CEP290: variants seen among roughly 807,000 people sequenced by gnomAD.
CEP290 encodes the protein centrosomal protein of 290 kDa.
CEP290 carries 317 observed loss-of-function variants against 344.9 expected under a neutral mutation model. The ratio of observed to expected loss-of-function variants is 0.92; its 90% CI spans 0.84 to 1.01. The LOEUF is 1.01. Ranked by LOEUF, CEP290 falls within the 50% of genes least tolerant of loss-of-function variation. The pLI is 0.00. For missense variants in CEP290, 2,754 were observed against 2,761.4 expected (o/e 1.00, Z 0.06); for synonymous variants, 932 against 895.8 (o/e 1.04, Z -0.72).
chr12:88,113,033 G>C (rs1208530537), intron 20 of CEP290, among the ~76,000 whole-genome samples: 2 of 152,122 alleles, frequency 1.3e-5, no homozygotes, highest in Admixed American at 6.6e-5. Context: ...CATGGATTCT[G>C]AAGATTTCTT....
rs560951061 is a variant in CEP290, at chr12:88,139,809, C to A, written c.181-245G>T. 2.0e-5 allele frequency among the ~76,000 whole-genome samples: 3 copies of A among 152,302 alleles called. No individual in the cohort carries two copies. In the South Asian group the frequency reaches 6.2e-4, roughly 32 times the overall value. ...GTGGCACAATCTCAGCTCACTGCAA[C>A]CTCCTGCCTCCTGGGCTCAAGCAAT... On this transcript the variant is annotated intron_variant, in intron 3 of 53. Coordinates refer to ENST00000552810, the MANE Select transcript of CEP290 (RefSeq NM_025114.4).
At chr12:88,079,584 A>G (rs1229373343) in intron 38 of CEP290, among the ~76,000 whole-genome samples, 1 of 152,166 alleles carries the variant, frequency 6.6e-6, no homozygotes, top group Non-Finnish European at 1.5e-5. Flanking sequence ...AATTAATTGA[A>G]TTTAGGTAGA....
intron 25 of CEP290, among the ~76,000 whole-genome samples, chr12:88,105,894 C>G (rs1019814208): frequency 6.6e-6 from 1 of 151,958 alleles, no homozygotes; most frequent in Non-Finnish European, 1.5e-5. Context: ...CAAGCATGTG[C>G]CACTACACCA....
At chr12:88,124,665 C>T (rs950294875) in intron 13 of CEP290, among the ~76,000 whole-genome samples, 3 of 152,010 alleles carry the variant, frequency 2.0e-5, no homozygotes, top group African/African-American at 7.2e-5. Flanking sequence ...TATACATAGT[C>T]ACCAATTATA....
chr12:88,112,200 C>G (rs1459570135), intron 20 of CEP290, among the ~76,000 whole-genome samples: 1 of 152,184 alleles, frequency 6.6e-6, no homozygotes, highest in East Asian at 1.9e-4. Context: ...TTCTCTGTAT[C>G]TTAGTTTTCT....
intron 13 of CEP290, 68 bp downstream of exon 13, chr12:88,125,178 A>G: frequency 2.0e-6 from 1 of 511,050 alleles, no homozygotes; most frequent in Non-Finnish European, 3.0e-6. Context: ...TTGACATTTT[A>G]TTTTAATAAA....
chr12:88,050,634 C>A (rs1196009003), intron 52 of CEP290, among the ~76,000 whole-genome samples: 1 of 152,036 alleles, frequency 6.6e-6, no homozygotes. Context: ...TCATAGCAGG[C>A]AGAAAGAGGT....
intron 46 of CEP290, among the ~76,000 whole-genome samples, chr12:88,062,302 A>T (rs573581636): frequency 4.6e-5 from 7 of 152,138 alleles, no homozygotes; most frequent in African/African-American, 1.4e-4. Context: ...CAAGAACACA[A>T]AAAAAGAGGG....
At chr12:88,060,549 T>C (rs1347736581) in intron 47 of CEP290, among the ~76,000 whole-genome samples, 1 of 151,558 alleles carries the variant, frequency 6.6e-6, no homozygotes, top group Non-Finnish European at 1.5e-5. Context: ...GACAAAGCAG[T>C]ACTCCATCTC....
At chr12:88,095,304 A>T (rs1310223166) in intron 27 of CEP290, among the ~76,000 whole-genome samples, 1 of 152,130 alleles carries the variant, frequency 6.6e-6, no homozygotes, top group Non-Finnish European at 1.5e-5. Context: ...CCCAACACTA[A>T]CAAATTCCTA....
chr12:88,078,276 AGAG>A (rs1316121923), intron 39 of CEP290, among the ~76,000 whole-genome samples: 1 of 152,148 alleles, frequency 6.6e-6, no homozygotes, highest in Non-Finnish European at 1.5e-5. Context: ...ATGAAGCATA[AGAG>A]TAGTACAGAA....
intron 5 of CEP290, among the ~76,000 whole-genome samples, chr12:88,137,547 C>T (rs2040413503): frequency 6.6e-6 from 1 of 152,150 alleles, no homozygotes; most frequent in African/African-American, 2.4e-5. Context: ...TCTGTTATTC[C>T]TCTACCTTAA....
chr12:88,121,254 A>G (rs1046552544), intron 13 of CEP290, 88 bp from the exon 14 acceptor site: 95 of 913,298 alleles, frequency 1.0e-4, no homozygotes, highest in Non-Finnish European at 1.2e-4. Context: ...GAAAAGTGGT[A>G]TGCCATTAAA....
intron 12 of CEP290, 70 bp downstream of exon 12, chr12:88,126,246 T>C (rs2039721398): frequency 1.6e-6 from 2 of 1,277,756 alleles, no homozygotes; most frequent in Non-Finnish European, 2.0e-6. Context: ...ATATAATAAA[T>C]AAAAGACATC....
At chr12:88,122,008 G>T (rs752995894) in intron 13 of CEP290, among the ~76,000 whole-genome samples, 1 of 152,036 alleles carries the variant, frequency 6.6e-6, no homozygotes, top group Non-Finnish European at 1.5e-5. Context: ...TTCCAAAATT[G>T]ATTGACAGAT....
At chr12:88,112,054 T>C (rs1400109259) in intron 20 of CEP290, among the ~76,000 whole-genome samples, 196 bp from the exon 21 acceptor site, 1 of 152,152 alleles carries the variant, frequency 6.6e-6, no homozygotes, top group Non-Finnish European at 1.5e-5. Flanking sequence ...AGCATAGTAA[T>C]TACTTCATTA....
intron 47 of CEP290, 40 bp from the exon 48 acceptor site, chr12:88,060,060 A>G (rs779278850): frequency 2.8e-5 from 39 of 1,412,306 alleles, no homozygotes; most frequent in Non-Finnish European, 3.6e-5. Context: ...ATACATTATC[A>G]AAACAAGGAA....
At chr12:88,097,323 C>T (rs2037502573) in intron 26 of CEP290, among the ~76,000 whole-genome samples, 1 of 151,906 alleles carries the variant, frequency 6.6e-6, no homozygotes, top group Admixed American at 6.6e-5. Flanking sequence ...TTCCCCCACG[C>T]TATTCTCATA....
At chr12:88,073,354 C>A (rs145171852) in intron 41 of CEP290, among the ~76,000 whole-genome samples, 1 of 152,172 alleles carries the variant, frequency 6.6e-6, no homozygotes, top group East Asian at 1.9e-4. Context: ...AGTCTGCAAT[C>A]GTAGCTTTGA....
Sources: allele counts gnomAD v4.1 joint callset (sites outside exome capture counted in the v4.1 genomes callset), GRCh38; gene constraint gnomAD v4.1.1; transcripts MANE v1.5; gene names NCBI Gene and HGNC (gene_info 2026-07-23, HGNC 2026-07-21).